The following SH3KBP1 variants were observed in gnomAD, a reference collection of about 807,000 sequenced individuals.
SH3KBP1 encodes the protein SH3 domain containing kinase binding protein 1.
Under a neutral mutation model 50.1 loss-of-function variants are expected in SH3KBP1, and 8 were observed. The observed-to-expected ratio is 0.16, with a 90% CI of 0.09 to 0.29. The LOEUF (loss-of-function observed/expected upper bound fraction) is 0.29. SH3KBP1 is among the 10% of genes least tolerant of loss of function. SH3KBP1 has a pLI of 1.00. For missense variants in SH3KBP1, 377 were observed against 535.2 expected, an observed-to-expected ratio of 0.70 and a Z score of 2.92; for synonymous variants, 227 against 218.6, an observed-to-expected ratio of 1.04 and a Z score of -0.34.
chrX:19,538,675 C>G (rs2064793497), intron 16 of SH3KBP1, among the ~76,000 whole-genome samples: 1 of 110,171 alleles, frequency 9.1e-6, no homozygotes, highest in Non-Finnish European at 1.9e-5. Flanking sequence ...CAACCTCCGC[C>G]TCCTGGGTTC....
chrX:19,882,806 T>G (rs1448409396), intron 1 of SH3KBP1, among the ~76,000 whole-genome samples: 1 of 111,862 alleles, frequency 8.9e-6, no homozygotes, highest in Non-Finnish European at 1.9e-5. Flanking sequence ...GCCTGTGTGA[T>G]ACTCTGGTAA....
At chrX:19,805,748 T>A (rs1378805367) in intron 2 of SH3KBP1, among the ~76,000 whole-genome samples, 2 of 110,894 alleles carry the variant, frequency 1.8e-5, no homozygotes, top group Non-Finnish European at 3.8e-5. Context: ...CCAGCCCACG[T>A]CGAGACCTGC....
chrX:19,728,003 C>A (rs1056173437), intron 3 of SH3KBP1, among the ~76,000 whole-genome samples: 1 of 111,673 alleles, frequency 9.0e-6, no homozygotes, highest in African/African-American at 3.3e-5. Context: ...AGCTAGCAAT[C>A]TTTAGCTATC....
intron 14 of SH3KBP1, among the ~76,000 whole-genome samples, chrX:19,547,765 A>G (rs1272064059): frequency 8.9e-6 from 1 of 111,954 alleles, no homozygotes. Flanking sequence ...AGGCTGGGGA[A>G]TCATGACTGG....
chrX:19,779,762 A>C (rs1162866604), intron 2 of SH3KBP1, among the ~76,000 whole-genome samples: 2 of 105,391 alleles, frequency 1.9e-5, no homozygotes, highest in African/African-American at 6.9e-5. Flanking sequence ...TGAACTCATC[A>C]TTTTTTATGG....
At position 19,778,430 on chromosome X, in the gene SH3KBP1, CAAAAAA is replaced by C. The variant is rs374544534; in HGVS notation, c.163-31995_163-31990del. Among the ~76,000 whole-genome samples, 7 of 46,540 alleles carry C rather than the reference CAAAAAA, an allele frequency of 1.5e-4. No individual in the cohort carries two copies. In the East Asian group the frequency reaches 4.6e-3, roughly 31 times the overall value. The allele number at this position is 46,540 out of a possible 115,157, so 40.4% of individuals were successfully genotyped here. On this transcript the variant is annotated intron_variant, in intron 2 of 17. Transcript: ENST00000397821. ...TGGGAGACAGAGCAAGACTCCATCTCAAAAAAAAAAAAAAAAAGAAAAGAAAAAAAG... is the reference window on the plus strand; with the variant it reads ...TGGGAGACAGAGCAAGACTCCATCTCAAAAAAAAAAAGAAAAGAAAAAAAG...
intron 12 of SH3KBP1, among the ~76,000 whole-genome samples, chrX:19,579,831 G>A (rs2066310246): frequency 8.9e-6 from 1 of 111,789 alleles, no homozygotes; most frequent in Non-Finnish European, 1.9e-5. Flanking sequence ...TCTTGCTGCA[G>A]CTGGGGGAGG....
intron 2 of SH3KBP1, among the ~76,000 whole-genome samples, chrX:19,816,145 G>A (rs1320685833): frequency 1.8e-5 from 2 of 112,253 alleles, no homozygotes; most frequent in African/African-American, 6.5e-5. Flanking sequence ...CAGTTTCTCT[G>A]CAACCTTGCC....
chrX:19,702,653 C>T (rs2063557133), intron 4 of SH3KBP1, among the ~76,000 whole-genome samples: 1 of 109,409 alleles, frequency 9.1e-6, no homozygotes, highest in African/African-American at 3.4e-5. Flanking sequence ...CTTCAATGCA[C>T]TTTAAAAAAA....
At chrX:19,540,937 C>T (rs768013112) in intron 16 of SH3KBP1, among the ~76,000 whole-genome samples, 9 of 109,345 alleles carry the variant, frequency 8.2e-5, no homozygotes, top group East Asian at 5.7e-4. Flanking sequence ...TTTTTTTAGA[C>T]GGAGTCTCGC....
intron 13 of SH3KBP1, among the ~76,000 whole-genome samples, chrX:19,555,804 C>T (rs1256853391): frequency 8.9e-6 from 1 of 111,883 alleles, no homozygotes; most frequent in Admixed American, 9.5e-5. Context: ...CCCTTCAGGG[C>T]TTCCTCTCCT....
rs16981223 is a variant in SH3KBP1, at chrX:19,604,360, A to C, written c.1005+3578T>G. 8.2e-3 allele frequency among the ~76,000 whole-genome samples: 924 copies of C among 112,026 alleles called. 13 individuals are homozygous for C. The highest frequency in any genetic ancestry group is 0.029 in the African/African-American group (886 of 30,845). ...GGAGAATCCACTAAGCACTCTCCGA[A>C]AGAAAGATGGCCAGGAATTCCAAAA... On this transcript the variant is annotated intron_variant, in intron 9 of 17. Transcript: ENST00000397821.
chrX:19,627,441 A>C (rs1057264300), intron 8 of SH3KBP1, among the ~76,000 whole-genome samples: 1 of 112,434 alleles, frequency 8.9e-6, no homozygotes, highest in Admixed American at 9.4e-5. Flanking sequence ...ACAAATCAGG[A>C]AGGCAGGGAT....
At chrX:19,886,486 C>T (rs190947473) in intron 1 of SH3KBP1, among the ~76,000 whole-genome samples, 41 of 111,890 alleles carry the variant, frequency 3.7e-4, no homozygotes, top group Admixed American at 3.6e-3. Context: ...CTTCTCTGGG[C>T]AGCAAGGTGG....
intron 1 of SH3KBP1, among the ~76,000 whole-genome samples, chrX:19,878,101 G>A (rs2069307479): frequency 9.0e-6 from 1 of 111,587 alleles, no homozygotes; most frequent in Non-Finnish European, 1.9e-5. Context: ...ATCCCCTAAT[G>A]AAAACTACAG....
chrX:19,758,220 C>T (rs1337545448), intron 2 of SH3KBP1, among the ~76,000 whole-genome samples: 2 of 105,011 alleles, frequency 1.9e-5, no homozygotes, highest in Non-Finnish European at 3.9e-5. Flanking sequence ...CCCAGCTACT[C>T]GGGAGGCTGA....
intron 7 of SH3KBP1, among the ~76,000 whole-genome samples, chrX:19,641,464 T>TGCTTCTG (rs2061854315): frequency 8.9e-6 from 1 of 112,493 alleles, no homozygotes; most frequent in South Asian, 3.6e-4. Flanking sequence ...TAAATCTACT[T>TGCTTCTG]GCTTCTGTAG....
At chrX:19,824,059 A>G (rs1202269474) in intron 2 of SH3KBP1, among the ~76,000 whole-genome samples, 1 of 111,211 alleles carries the variant, frequency 9.0e-6, no homozygotes, top group East Asian at 2.8e-4. Flanking sequence ...ACCTCAAGTG[A>G]TTCGCCCGCC....
At chrX:19,637,836 T>C (rs1006200587) in intron 7 of SH3KBP1, among the ~76,000 whole-genome samples, 5 of 109,470 alleles carry the variant, frequency 4.6e-5, no homozygotes, top group African/African-American at 1.3e-4. Context: ...CCCAGCACTT[T>C]GGGAGGCCGA....
Sources: gnomAD v4.1 joint callset for allele counts (sites outside exome capture counted in the v4.1 genomes callset) on GRCh38, gnomAD v4.1.1 for gene constraint, MANE v1.5 for transcripts, NCBI Gene and HGNC (gene_info 2026-07-23, HGNC 2026-07-21) for gene names.